Variants in DDX18 observed in about 807,000 individuals in gnomAD.
The protein encoded by DDX18 is DEAD-box helicase 18.
In DDX18, 23 loss-of-function variants were observed where a neutral mutation model predicts 73.5. The ratio of observed to expected loss-of-function variants is 0.31; its 90% CI spans 0.23 to 0.44. The LOEUF is 0.44. Among genes scored for constraint, DDX18 ranks in the 20% least tolerant of loss-of-function variants. The probability of loss-of-function intolerance (pLI) is 1.00; values close to 1 mark genes in which losing one functional copy is unlikely to be tolerated. For synonymous variants in DDX18, 268 were observed against 282.7 expected (o/e 0.95, Z 0.52); for missense variants, 753 against 792.9 (o/e 0.95, Z 0.60).
chr2:117,815,017 C>T (rs1225323386), intron 1 of DDX18, 155 bp downstream of exon 1: 4 of 698,478 alleles, frequency 5.7e-6, no homozygotes, highest in Non-Finnish European at 9.7e-6. Context: ...CACTCGGGAC[C>T]CGCGCTGCTG....
rs377007691 is a variant in DDX18 at position 117,828,921 on chromosome 2, T to G, written c.1636-28T>G. 752 of 1,503,276 alleles carry G rather than the reference T, an allele frequency of 5.0e-4. 1 individual carries two copies. Among genetic ancestry groups the G allele is most frequent in the Non-Finnish European group, 5.6e-4 (606 of 1,081,272 alleles). 93.1% of individuals were successfully genotyped at this position (1,503,276 alleles called of 1,614,324 possible). A position where few individuals can be genotyped will look rare whatever the true frequency, so the allele number is the denominator to read the frequency against. On this transcript the variant is annotated intron_variant, in intron 11 of 13. Coordinates refer to ENST00000263239, the MANE Select transcript of DDX18 (RefSeq NM_006773.4). ...TATCGGAATGCTGATCATCCTGGTTTACTAATCTTAATACTTTTGATTTCT... is the reference window on the plus strand; with the variant it reads ...TATCGGAATGCTGATCATCCTGGTTGACTAATCTTAATACTTTTGATTTCT...
rs1680010185 is a variant in DDX18 at position 117,830,779 on chromosome 2, C to T, written c.*55C>T. Reference sequence around the variant, plus strand: ...TTTGTCCTAAAATGAATTTTTTTTCCCCTTGATTTAACAGGATTTTTGTAG... The same window carrying T: ...TTTGTCCTAAAATGAATTTTTTTTCTCCTTGATTTAACAGGATTTTTGTAG... On this transcript the variant is annotated 3_prime_UTR_variant, in exon 14 of 14. Coordinates refer to ENST00000263239, the MANE Select transcript of DDX18 (RefSeq NM_006773.4). The T allele has an allele frequency of 4.4e-6, 7 of 1,592,734 alleles. No individual in the cohort carries two copies. The highest frequency in any genetic ancestry group is 6.0e-6 in the Non-Finnish European group (7 of 1,172,964).
At position 117,814,824 on chromosome 2, in the gene DDX18, G is replaced by A. The variant is rs376029515; in HGVS notation, c.47G>A (p.Arg16Gln). The stretch of plus-strand genomic sequence containing the variant: ...CTCCTGCGTAAGAAGATCGAGAAGC[G>A]GAACCTCAAATTGCGGCAGCGGAAC... ...MKLLRKKIEK[R>Q]NLKLRQRNLK... The change falls in exon 1 of 14, where the codon CGG (arginine) becomes CAG (glutamine). Residue 16 changes from arginine (R) to glutamine (Q), a missense_variant. Arg to Gln is a conservative substitution (Grantham distance 43, BLOSUM62 1). Around this residue, in one of 3 missense-constraint regions of DDX18, gnomAD observed 345 missense variants for 352.0 expected, o/e 0.98. Coordinates refer to ENST00000263239, the MANE Select transcript of DDX18 (RefSeq NM_006773.4). The A allele has an allele frequency of 4.3e-6, 7 of 1,614,116 alleles. No homozygotes were observed. Among genetic ancestry groups the A allele is most frequent in the Non-Finnish European group, 5.9e-6 (7 of 1,180,050 alleles).
At chr2:117,826,228 G>A (rs1026588832) in intron 10 of DDX18, 41 bp from the exon 11 acceptor site, 76 of 1,568,288 alleles carry the variant, frequency 4.8e-5, no homozygotes, top group Non-Finnish European at 6.2e-5. Flanking sequence ...GGCTCATGTG[G>A]AAGTCACTGC....
chr2:117,823,275 A>T (rs1679874699), intron 7 of DDX18, among the ~76,000 whole-genome samples: 1 of 152,196 alleles, frequency 6.6e-6, no homozygotes, highest in African/African-American at 2.4e-5. Context: ...TTGGAGGAAG[A>T]CAGTATTGAG....
intron 3 of DDX18, among the ~76,000 whole-genome samples, chr2:117,820,235 T>G (rs1679824741): frequency 6.6e-6 from 1 of 152,234 alleles, no homozygotes; most frequent in African/African-American, 2.4e-5. Context: ...TTGGGTTGGT[T>G]GGTTTGTTAA....
At chr2:117,830,069 T>C (rs1447097926) in intron 13 of DDX18, among the ~76,000 whole-genome samples, 1 of 152,172 alleles carries the variant, frequency 6.6e-6, no homozygotes, top group Non-Finnish European at 1.5e-5. Context: ...TTCAGTGCCA[T>C]AGGGGTAACT....
In DDX18 at chr2:117,831,939, G is replaced by C. The variant is rs1680033540; in HGVS notation, c.*1215G>C. On this transcript the variant is annotated 3_prime_UTR_variant, in exon 14 of 14. Transcript: ENST00000263239. Reference sequence around the variant, plus strand: ...TTAATCATAGGATCCCATTAAATAAGTGTGCTAACATCGAATATAGAGAAA... The same window carrying C: ...TTAATCATAGGATCCCATTAAATAACTGTGCTAACATCGAATATAGAGAAA... 6.6e-6 allele frequency: 1 copy of C among 152,192 alleles called. No individual in the cohort carries two copies. The highest frequency in any genetic ancestry group is 6.5e-5 in the Admixed American group (1 of 15,286). The allele number at this position is 152,192 out of a possible 1,614,324, so 9.4% of individuals were successfully genotyped here. A position where few individuals can be genotyped will look rare whatever the true frequency, so the allele number is the denominator to read the frequency against.
chr2:117,823,262 T>C (rs551936137), intron 7 of DDX18, among the ~76,000 whole-genome samples: 2 of 152,308 alleles, frequency 1.3e-5, no homozygotes, highest in Admixed American at 1.3e-4. Context: ...TGAATAGAGA[T>C]TATTGGAGGA....
chr2:117,826,210 C>T (rs1679925250), intron 10 of DDX18, 59 bp from the exon 11 acceptor site: 8 of 1,448,940 alleles, frequency 5.5e-6, no homozygotes, highest in Middle Eastern at 2.4e-4. Context: ...GATGCAGATA[C>T]GCAAATGGGC....
chr2:117,830,464 T>G, intron 13 of DDX18, 118 bp from the exon 14 acceptor site: 1 of 1,219,436 alleles, frequency 8.2e-7, no homozygotes, highest in Non-Finnish European at 1.1e-6. Flanking sequence ...CACATTTTCA[T>G]TGTTGAGAAT....
rs1006175663 is a variant in DDX18, at chr2:117,830,860, C to T, written c.*136C>T. On this transcript the variant is annotated 3_prime_UTR_variant, in exon 14 of 14. Coordinates refer to ENST00000263239, the MANE Select transcript of DDX18 (RefSeq NM_006773.4). Reference sequence around the variant, plus strand: ...TATAAATTGACTTGGGTTGCAAGCACTGAGCACTGTTACTTCTATCACGTC... The same window carrying T: ...TATAAATTGACTTGGGTTGCAAGCATTGAGCACTGTTACTTCTATCACGTC... The T allele has an allele frequency of 4.0e-5, 38 of 943,922 alleles. No homozygotes were observed. Among genetic ancestry groups the T allele is most frequent in the Non-Finnish European group, 5.9e-5 (37 of 625,010 alleles). The allele number at this position is 943,922 out of a possible 1,614,324, so 58.5% of individuals were successfully genotyped here.
Position 117,831,873 on chromosome 2 carries a change from T to G in DDX18, c.*1149T>G, listed in dbSNP as rs1292050526. 6.6e-6 allele frequency: 1 copy of G among 152,252 alleles called. No individual in the cohort carries two copies. The highest frequency in any genetic ancestry group is 1.5e-5 in the Non-Finnish European group (1 of 68,044). The allele number at this position is 152,252 out of a possible 1,614,324, so 9.4% of individuals were successfully genotyped here. ...ACAAGATAGTACATTTTGTAGCAGTTCAAAGCCAAAGTTGCTAGCATCATT... is the reference window on the plus strand; with the variant it reads ...ACAAGATAGTACATTTTGTAGCAGTGCAAAGCCAAAGTTGCTAGCATCATT... On this transcript the variant is annotated 3_prime_UTR_variant, in exon 14 of 14. Transcript: ENST00000263239.
chr2:117,814,916 C>T, intron 1 of DDX18, 54 bp downstream of exon 1: 1 of 1,595,146 alleles, frequency 6.3e-7, no homozygotes, highest in Non-Finnish European at 8.6e-7. Flanking sequence ...AGCCCTGGCG[C>T]GTTCGGGCGG....
Position 117,832,140 on chromosome 2 carries a change from T to C in DDX18, c.*1416T>C, listed in dbSNP as rs1026043005. The C allele has an allele frequency of 2.0e-5, 3 of 152,076 alleles. No homozygotes were observed. The highest frequency in any genetic ancestry group is 2.9e-5 in the Non-Finnish European group (2 of 68,036). 9.4% of individuals were successfully genotyped at this position (152,076 alleles called of 1,614,324 possible). A position where few individuals can be genotyped will look rare whatever the true frequency, so the allele number is the denominator to read the frequency against. On this transcript the variant is annotated 3_prime_UTR_variant, in exon 14 of 14. Coordinates refer to ENST00000263239, the MANE Select transcript of DDX18 (RefSeq NM_006773.4). ...TAATAATTCTCTCCACGATCATGTTTTTCTGATTTTTTTTTTCAGAAATAA... is the reference window on the plus strand; with the variant it reads ...TAATAATTCTCTCCACGATCATGTTCTTCTGATTTTTTTTTTCAGAAATAA...
In DDX18 at chr2:117,817,131, A is replaced by T. The variant is rs551622763; in HGVS notation, c.86-313A>T. 1.8e-3 allele frequency among the ~76,000 whole-genome samples: 270 copies of T among 152,328 alleles called. 1 individual carries two copies. The highest frequency in any genetic ancestry group is 2.7e-3 in the Non-Finnish European group (182 of 68,010). ...TTATGTTTATTCTGTAACTGCCATT[A>T]TCTGACCTCATCTGTTTAAATATTT... On this transcript the variant is annotated intron_variant, in intron 1 of 13. Coordinates refer to ENST00000263239, the MANE Select transcript of DDX18 (RefSeq NM_006773.4).
chr2:117,828,169 G>A (rs190173260), intron 11 of DDX18: 3 of 152,242 alleles, frequency 2.0e-5, no homozygotes. Context: ...TTTTGATTGG[G>A]TTGTTTGATT....
intron 2 of DDX18, among the ~76,000 whole-genome samples, chr2:117,819,173 GC>G (rs1199071397): frequency 6.6e-6 from 1 of 152,176 alleles, no homozygotes; most frequent in Admixed American, 6.5e-5. Flanking sequence ...GTGGGAAGAA[GC>G]CCTGCCTTTC....
intron 7 of DDX18, chr2:117,822,794 C>G (rs1401509074): frequency 1.3e-5 from 2 of 154,438 alleles, no homozygotes; most frequent in African/African-American, 4.8e-5. Context: ...TCCTCCTGCC[C>G]CTTTTCAATT....
Sources: allele counts gnomAD v4.1 joint callset (sites outside exome capture counted in the v4.1 genomes callset), GRCh38; gene constraint gnomAD v4.1.1; regional missense constraint gnomAD v4.1.1; transcripts MANE v1.5; gene names NCBI Gene and HGNC (gene_info 2026-07-23, HGNC 2026-07-21).